ARHGAP26: variants seen among roughly 807,000 people sequenced by gnomAD.
ARHGAP26 encodes Rho GTPase activating protein 26.
Under a neutral mutation model 104.8 loss-of-function variants are expected in ARHGAP26, and 38 were observed. The observed-to-expected ratio is 0.36, with a 90% CI of 0.28 to 0.48. The LOEUF is 0.48. ARHGAP26 is among the 20% of genes least tolerant of loss of function. The pLI, the probability that ARHGAP26 is intolerant of heterozygous loss-of-function variation, is 0.99. For synonymous variants in ARHGAP26, 341 were observed against 340.0 expected, an observed-to-expected ratio of 1.00 and a Z score of -0.03; for missense variants, 704 against 947.9, an observed-to-expected ratio of 0.74 and a Z score of 3.38.
chr5:143,026,905 A>G (rs1055727831), intron 12 of ARHGAP26, among the ~76,000 whole-genome samples: 3 of 152,128 alleles, frequency 2.0e-5, no homozygotes, highest in Non-Finnish European at 4.4e-5. Flanking sequence ...AGCAATGGAT[A>G]TGGTGAAGAG....
intron 20 of ARHGAP26, among the ~76,000 whole-genome samples, chr5:143,160,474 G>GTTTTTTTTTTT (rs201337868): frequency 1.0e-5 from 1 of 95,438 alleles, no homozygotes; most frequent in Non-Finnish European, 2.1e-5. Context: ...TGCTTTTGGT[G>GTTTTTTTTTTT]GTTTTTTTTT....
In ARHGAP26 at chr5:143,054,529, A is replaced by G; in HGVS notation, c.1373+3A>G. On this transcript the variant is annotated splice_donor_region_variant and intron_variant, in intron 15 of 22. Coordinates refer to ENST00000645722, the MANE Select transcript of ARHGAP26 (RefSeq NM_001135608.3). ...AGTGCTCTGAAGACCTACCTAAGGT[A>G]GGGACTTTCCATTTGCAAGGCAGAG... 2.5e-6 allele frequency: 4 copies of G among 1,602,922 alleles called. No homozygotes were observed. Among genetic ancestry groups the G allele is most frequent in the Non-Finnish European group, 3.4e-6 (4 of 1,173,264 alleles).
chr5:142,903,007 C>T (rs1760586728), intron 7 of ARHGAP26, among the ~76,000 whole-genome samples: 3 of 152,262 alleles, frequency 2.0e-5, no homozygotes, highest in South Asian at 2.1e-4. Flanking sequence ...CCTTCAAAGT[C>T]GCCCTGAATA....
At chr5:143,115,010 C>T (rs540583209) in intron 17 of ARHGAP26, among the ~76,000 whole-genome samples, 1 of 152,074 alleles carries the variant, frequency 6.6e-6, no homozygotes, top group East Asian at 1.9e-4. Context: ...GCCTGTTGTG[C>T]CAGAAGTACT....
At chr5:143,077,847 G>C (rs1789254170) in intron 17 of ARHGAP26, among the ~76,000 whole-genome samples, 1 of 152,054 alleles carries the variant, frequency 6.6e-6, no homozygotes, top group Admixed American at 6.5e-5. Context: ...AGTAGGGTGG[G>C]GCTGTAGCTG....
intron 19 of ARHGAP26, among the ~76,000 whole-genome samples, chr5:143,143,689 A>G (rs1798827124): frequency 6.6e-6 from 1 of 152,180 alleles, no homozygotes; most frequent in African/African-American, 2.4e-5. Flanking sequence ...TCTTATAACC[A>G]TTCACGGAGC....
intron 12 of ARHGAP26, among the ~76,000 whole-genome samples, chr5:143,035,084 A>G (rs1782416830): frequency 6.6e-6 from 1 of 152,252 alleles, no homozygotes; most frequent in Non-Finnish European, 1.5e-5. Flanking sequence ...TTTACTTACT[A>G]TCCTAGAGGC....
intron 11 of ARHGAP26, among the ~76,000 whole-genome samples, chr5:142,973,770 A>G (rs895146582): frequency 5.3e-5 from 8 of 151,984 alleles, no homozygotes; most frequent in African/African-American, 1.7e-4. Context: ...TTATGAAACT[A>G]TAGTTATTTA....
intron 6 of ARHGAP26, among the ~76,000 whole-genome samples, chr5:142,900,770 A>G (rs1598154835): frequency 6.6e-6 from 1 of 152,214 alleles, no homozygotes; most frequent in East Asian, 1.9e-4. Flanking sequence ...TTAAAAAAAA[A>G]TCATTTAGGG....
intron 11 of ARHGAP26, among the ~76,000 whole-genome samples, chr5:143,013,624 A>T (rs148993370): frequency 1.4e-3 from 218 of 152,344 alleles, no homozygotes; most frequent in African/African-American, 5.2e-3. Flanking sequence ...GACATTAGTT[A>T]ACCCCTCTAG....
intron 17 of ARHGAP26, among the ~76,000 whole-genome samples, chr5:143,061,055 T>G (rs1786625767): frequency 6.6e-6 from 1 of 152,244 alleles, no homozygotes; most frequent in Non-Finnish European, 1.5e-5. Flanking sequence ...ACAAATGTTT[T>G]TGTTTTAAAA....
chr5:143,064,101 A>AAGTAAT (rs1787139729), intron 17 of ARHGAP26, among the ~76,000 whole-genome samples: 1 of 151,960 alleles, frequency 6.6e-6, no homozygotes, highest in Non-Finnish European at 1.5e-5. Flanking sequence ...AAAGGGGGCG[A>AAGTAAT]TTTTACTTGA....
intron 5 of ARHGAP26, among the ~76,000 whole-genome samples, chr5:142,890,152 ATATATATATATATATATAT>A (rs1486748800): frequency 0.012 from 266 of 21,946 alleles, 19 homozygotes; most frequent in African/African-American, 0.032. Flanking sequence ...AAAAAAAAAA[ATATATATATATATATATAT>A]ATATATATAT....
At position 143,226,485 on chromosome 5, in the gene ARHGAP26, GAAA is replaced by G. The variant is rs57822966; in HGVS notation, c.*4058_*4060del. On this transcript the variant is annotated 3_prime_UTR_variant, in exon 23 of 23. Coordinates refer to ENST00000645722, the MANE Select transcript of ARHGAP26 (RefSeq NM_001135608.3). Reference sequence around the variant, plus strand: ...GACAGAGCCAGACTCCGTCTCAAAGGAAAAAAAAAAAAAAAAAAAAAGAATGCC... The same window carrying G: ...GACAGAGCCAGACTCCGTCTCAAAGGAAAAAAAAAAAAAAAAAAGAATGCC... 0.28 allele frequency: 38,794 copies of G among 140,294 alleles called. 4,299 individuals carry two copies. Among genetic ancestry groups the G allele is most frequent in the Middle Eastern group, 0.34 (119 of 352 alleles). 8.7% of individuals were successfully genotyped at this position (140,294 alleles called of 1,614,324 possible). A position where few individuals can be genotyped will look rare whatever the true frequency, so the allele number is the denominator to read the frequency against.
At chr5:143,014,915 T>C (rs1779376892) in intron 12 of ARHGAP26, among the ~76,000 whole-genome samples, 1 of 152,220 alleles carries the variant, frequency 6.6e-6, no homozygotes, top group African/African-American at 2.4e-5. Flanking sequence ...TGCCCTACTG[T>C]GAATTCCAGT....
intron 1 of ARHGAP26, among the ~76,000 whole-genome samples, chr5:142,855,711 C>G (rs1752245940): frequency 6.6e-6 from 1 of 152,102 alleles, no homozygotes; most frequent in African/African-American, 2.4e-5. Context: ...CCCTGGGTAC[C>G]CTGAGTAGGA....
At chr5:142,915,428 G>C (rs1016650793) in intron 10 of ARHGAP26, 3 of 150,950 alleles carry the variant, frequency 2.0e-5, no homozygotes, top group Non-Finnish European at 4.4e-5. Flanking sequence ...GCATGATCTC[G>C]GCTCACTGCA....
At chr5:143,113,158 T>C (rs1794970315) in intron 17 of ARHGAP26, among the ~76,000 whole-genome samples, 1 of 152,206 alleles carries the variant, frequency 6.6e-6, no homozygotes, top group African/African-American at 2.4e-5. Flanking sequence ...CACCCTCAGA[T>C]TTTAGAATAC....
At chr5:143,095,045 G>C (rs1264781313) in intron 17 of ARHGAP26, among the ~76,000 whole-genome samples, 1 of 152,032 alleles carries the variant, frequency 6.6e-6, no homozygotes, top group Non-Finnish European at 1.5e-5. Flanking sequence ...TTTTAATTCT[G>C]TGAAAGGAAA....
Sources: gnomAD v4.1 joint callset for allele counts (sites outside exome capture counted in the v4.1 genomes callset) on GRCh38, gnomAD v4.1.1 for gene constraint, MANE v1.5 for transcripts, NCBI Gene and HGNC (gene_info 2026-07-23, HGNC 2026-07-21) for gene names.